Variants in PTBP3 observed in about 807,000 individuals in gnomAD.
PTBP3 encodes polypyrimidine tract-binding protein 3.
In PTBP3, 20 loss-of-function variants were observed where a neutral mutation model predicts 58.7. That is an observed-to-expected ratio of 0.34 (90% CI 0.24 to 0.50). PTBP3 has a LOEUF of 0.50. Among genes scored for constraint, PTBP3 ranks in the 20% least tolerant of loss-of-function variants. The pLI is 0.98. For missense variants in PTBP3, 509 were observed against 637.2 expected, an observed-to-expected ratio of 0.80 and a Z score of 2.17; for synonymous variants, 185 against 219.8, an observed-to-expected ratio of 0.84 and a Z score of 1.40.
At chr9:112,248,201 TAAG>T (rs1035177097) in intron 7 of PTBP3, among the ~76,000 whole-genome samples, 2 of 151,928 alleles carry the variant, frequency 1.3e-5, no homozygotes, top group African/African-American at 4.8e-5. Flanking sequence ...GTAAAGGAAA[TAAG>T]AAACAAACTT....
At chr9:112,338,876 C>T in the PTBP3 span, among the ~76,000 whole-genome samples, 8 of 152,164 alleles carry the variant, frequency 5.3e-5, no homozygotes, top group Admixed American at 6.5e-5. Flanking sequence ...GCACAGAGGA[C>T]TCATGTCTAT....
At chr9:112,370,077 C>T in the PTBP3 span, among the ~76,000 whole-genome samples, 1 of 152,132 alleles carries the variant, frequency 6.6e-6, no homozygotes, top group East Asian at 1.9e-4. Flanking sequence ...CTTATTAAAC[C>T]TCTTTTTCTT....
chr9:112,321,788 G>T (rs1288487550), intron 1 of PTBP3, among the ~76,000 whole-genome samples: 1 of 152,126 alleles, frequency 6.6e-6, no homozygotes, highest in African/African-American at 2.4e-5. Context: ...CTCAGAGCCT[G>T]TAGTCCTAAG....
At chr9:112,261,624 T>C (rs1292964123) in intron 5 of PTBP3, among the ~76,000 whole-genome samples, 3 of 152,180 alleles carry the variant, frequency 2.0e-5, no homozygotes, top group Non-Finnish European at 4.4e-5. Flanking sequence ...AATCAACATA[T>C]AGCTAAAGAG....
At position 112,223,680 on chromosome 9, in the gene PTBP3, G is replaced by A. The variant is rs1468646948; in HGVS notation, c.*171C>T. 2 of 1,343,848 alleles carry A rather than the reference G, an allele frequency of 1.5e-6. No individual in the cohort carries two copies. Among genetic ancestry groups the A allele is most frequent in the Non-Finnish European group, 1.9e-6 (2 of 1,048,174 alleles). The allele number at this position is 1,343,848 out of a possible 1,614,324, so 83.2% of individuals were successfully genotyped here. On this transcript the variant is annotated 3_prime_UTR_variant, in exon 14 of 14. Coordinates refer to ENST00000374257, the MANE Select transcript of PTBP3 (RefSeq NM_001163788.4). ...GAAAAGAAACCTTTGACTGGCGGGG[G>A]CAGGGGGAATACAAAAAAAAAAAAT...
At chr9:112,266,343 C>CAAAT (rs1836799034) in intron 4 of PTBP3, among the ~76,000 whole-genome samples, 1 of 152,060 alleles carries the variant, frequency 6.6e-6, no homozygotes, top group Non-Finnish European at 1.5e-5. Context: ...TACAAATTAT[C>CAAAT]AAATAAAAGT....
chr9:112,271,880 G>C (rs4979091), intron 3 of PTBP3, among the ~76,000 whole-genome samples: 1,906 of 152,280 alleles, frequency 0.013, 68 homozygotes, highest in South Asian at 0.11. Flanking sequence ...ATTGATTTAA[G>C]TCATTCAAGT....
In PTBP3 at chr9:112,222,565, A is replaced by G; in HGVS notation, c.*1286T>C. The G allele has an allele frequency of 3.0e-6, 3 of 985,684 alleles. No individual in the cohort carries two copies. Among genetic ancestry groups the G allele is most frequent in the Non-Finnish European group, 3.6e-6 (3 of 829,826 alleles). 61.1% of individuals were successfully genotyped at this position (985,684 alleles called of 1,614,324 possible). ...AATGTAAAGAGGCCTACAGGTGTGC[A>G]CTGAATTATTCCCAAAACCATTCAC... On this transcript the variant is annotated 3_prime_UTR_variant, in exon 14 of 14. Coordinates refer to ENST00000374257, the MANE Select transcript of PTBP3 (RefSeq NM_001163788.4).
chr9:112,317,017 C>T (rs557115491), intron 1 of PTBP3, among the ~76,000 whole-genome samples: 49 of 151,220 alleles, frequency 3.2e-4, no homozygotes, highest in South Asian at 6.3e-4. Context: ...CAGTGGCTCA[C>T]GCCTGTAATC....
intron 2 of PTBP3, among the ~76,000 whole-genome samples, chr9:112,295,871 T>C (rs1007432855): frequency 6.6e-6 from 1 of 152,154 alleles, no homozygotes; most frequent in Non-Finnish European, 1.5e-5. Flanking sequence ...CCCTAAGATA[T>C]TGTAGGTAAA....
At chr9:112,302,029 G>A (rs1281314131) in intron 1 of PTBP3, among the ~76,000 whole-genome samples, 3 of 152,174 alleles carry the variant, frequency 2.0e-5, no homozygotes, top group African/African-American at 4.8e-5. Context: ...ACAGCCCGCT[G>A]TTACAGATCA....
Position 112,333,435 on chromosome 9 carries a change from A to C in PTBP3, c.-52+35T>G, listed in dbSNP as rs745953830. 5.1e-6 allele frequency: 8 copies of C among 1,568,740 alleles called. No individual in the cohort carries two copies. In the East Asian group the frequency reaches 2.0e-4, roughly 40 times the overall value. On this transcript the variant is annotated intron_variant, in intron 1 of 13. Coordinates refer to ENST00000374257, the MANE Select transcript of PTBP3 (RefSeq NM_001163788.4). ...AGCCGGGTGGAAGCGGCGCCAAGGCAACCCGGTGCGGCCGCCGCGCCGCCT... is the reference window on the plus strand; with the variant it reads ...AGCCGGGTGGAAGCGGCGCCAAGGCCACCCGGTGCGGCCGCCGCGCCGCCT...
At chr9:112,321,399 C>T (rs1283759921) in intron 1 of PTBP3, among the ~76,000 whole-genome samples, 2 of 151,626 alleles carry the variant, frequency 1.3e-5, no homozygotes, top group South Asian at 2.1e-4. Flanking sequence ...CATGGTGGCA[C>T]GCACCTGTAA....
At chr9:112,334,150 C>T (rs1460467124), upstream of PTBP3, among the ~76,000 whole-genome samples, 5 of 152,046 alleles carry the variant, frequency 3.3e-5, no homozygotes, top group Non-Finnish European at 5.9e-5. Context: ...GGCAGCCCGG[C>T]GCTGGAGTCG....
At chr9:112,379,861 TGATTGTCACCGTACGACCA>T in the PTBP3 span, 2 of 522,056 alleles carry the variant, frequency 3.8e-6, no homozygotes, top group East Asian at 7.2e-5. Flanking sequence ...GACAGGAGCC[TGATTGTCACCGTACGACCA>T]GTGAGGGGGC....
chr9:112,255,709 A>G (rs1836319191), intron 5 of PTBP3, among the ~76,000 whole-genome samples: 1 of 152,178 alleles, frequency 6.6e-6, no homozygotes. Flanking sequence ...CTTCTTGTAT[A>G]ACACTACTCT....
chr9:112,375,180 T>G, the PTBP3 span, among the ~76,000 whole-genome samples: 1 of 152,210 alleles, frequency 6.6e-6, no homozygotes, highest in African/African-American at 2.4e-5. Flanking sequence ...ACCCGTTGGT[T>G]AGCACTTCAC....
Position 112,284,862 on chromosome 9 carries a change from A to G in PTBP3, c.35-8849T>C, listed in dbSNP as rs542065312. 2.6e-5 allele frequency among the ~76,000 whole-genome samples: 4 copies of G among 152,102 alleles called. No individual in the cohort carries two copies. In the South Asian group the frequency reaches 8.3e-4, roughly 32 times the overall value. On this transcript the variant is annotated intron_variant, in intron 2 of 13. Coordinates refer to ENST00000374257, the MANE Select transcript of PTBP3 (RefSeq NM_001163788.4). ...CATCCAATGCCTGTACCCCCGTTGT[A>G]TCTTCGAAGTAACTAACTTGCTTTT...
Position 112,220,140 on chromosome 9 carries a change from G to GCA in PTBP3, c.*3710_*3711insTG. ...TAGCAGTACACATTAGGTTTTCTAAGGGATAGGTGGGGAAAAACACATGTA... is the reference window on the plus strand; with the variant it reads ...TAGCAGTACACATTAGGTTTTCTAAGCAGGATAGGTGGGGAAAAACACATGTA... On this transcript the variant is annotated 3_prime_UTR_variant, in exon 14 of 14. Transcript: ENST00000374257. The GCA allele has an allele frequency of 7.7e-7, 1 of 1,299,638 alleles. No individual in the cohort carries two copies. The highest frequency in any genetic ancestry group is 1.0e-6 in the Non-Finnish European group (1 of 994,276). The allele number at this position is 1,299,638 out of a possible 1,614,324, so 80.5% of individuals were successfully genotyped here. A position where few individuals can be genotyped will look rare whatever the true frequency, so the allele number is the denominator to read the frequency against.
Sources: gnomAD v4.1 joint callset for allele counts (sites outside exome capture counted in the v4.1 genomes callset) on GRCh38, gnomAD v4.1.1 for gene constraint, MANE v1.5 for transcripts, NCBI Gene and HGNC (gene_info 2026-07-23, HGNC 2026-07-21) for gene names.